The following TENM4 variants were observed in gnomAD, a reference collection of about 807,000 sequenced individuals.
TENM4 encodes the protein teneurin-4.
A neutral mutation model predicts 243.3 loss-of-function variants in TENM4; 82 were observed. The ratio of observed to expected loss-of-function variants is 0.34; its 90% CI spans 0.28 to 0.40. TENM4 has a LOEUF of 0.40. Among genes scored for constraint, TENM4 ranks in the 10% least tolerant of loss-of-function variants. TENM4 has a pLI of 1.00. For missense variants in TENM4, 3,138 were observed against 3,673.3 expected (o/e 0.85, Z 3.77); for synonymous variants, 1,412 against 1,456.3 (o/e 0.97, Z 0.69).
intron 1 of TENM4, among the ~76,000 whole-genome samples, chr11:79,433,393 TC>T (rs570132359): frequency 6.6e-6 from 1 of 152,084 alleles, no homozygotes; most frequent in Non-Finnish European, 1.5e-5. Flanking sequence ...CACTCTCTTC[TC>T]CCAAACCAAT....
chr11:78,747,718 A>G (rs974236015), intron 19 of TENM4, among the ~76,000 whole-genome samples: 2 of 152,190 alleles, frequency 1.3e-5, no homozygotes, highest in African/African-American at 4.8e-5. Context: ...GTTAGACTAC[A>G]TGCAGAGGTG....
At chr11:78,947,611 G>T (rs1460258433) in intron 6 of TENM4, among the ~76,000 whole-genome samples, 2 of 152,258 alleles carry the variant, frequency 1.3e-5, no homozygotes, top group African/African-American at 4.8e-5. Context: ...CCGACAGAGA[G>T]AGTGCGGGGG....
At chr11:79,083,054 C>T (rs1360618496) in intron 4 of TENM4, among the ~76,000 whole-genome samples, 1 of 152,206 alleles carries the variant, frequency 6.6e-6, no homozygotes, top group African/African-American at 2.4e-5. Context: ...CCTAATCAAG[C>T]CTTGTGCTGC....
intron 4 of TENM4, among the ~76,000 whole-genome samples, chr11:79,144,674 A>G (rs551420761): frequency 9.5e-4 from 145 of 152,212 alleles, no homozygotes; most frequent in African/African-American, 3.2e-3. Context: ...AAAATAAGCC[A>G]GGCACAGAAA....
intron 6 of TENM4, among the ~76,000 whole-genome samples, chr11:78,938,288 A>G (rs1178078525): frequency 6.6e-6 from 1 of 152,208 alleles, no homozygotes; most frequent in African/African-American, 2.4e-5. Context: ...AAATAATTTT[A>G]GATTCACCTA....
Position 79,385,375 on chromosome 11 carries a change from A to T in TENM4, c.-321+55134T>A, listed in dbSNP as rs139244797. 3.9e-5 allele frequency among the ~76,000 whole-genome samples: 6 copies of T among 152,336 alleles called. No homozygotes were observed. The East Asian group carries it at 1.2e-3, about 29-fold the overall frequency. ...CAGATGGTCAATAATGTTCATTCAGATCACATATTTTAGATCGGGAGATTT... is the reference window on the plus strand; with the variant it reads ...CAGATGGTCAATAATGTTCATTCAGTTCACATATTTTAGATCGGGAGATTT... On this transcript the variant is annotated intron_variant, in intron 1 of 33. Coordinates refer to ENST00000278550, the MANE Select transcript of TENM4 (RefSeq NM_001098816.3).
intron 5 of TENM4, among the ~76,000 whole-genome samples, chr11:79,067,589 T>C (rs1374852948): frequency 1.3e-5 from 2 of 152,208 alleles, no homozygotes; most frequent in Non-Finnish European, 2.9e-5. Context: ...TCAGCATCAA[T>C]ACAAGTGAGT....
At chr11:79,258,201 C>T (rs1590831103) in intron 2 of TENM4, among the ~76,000 whole-genome samples, 1 of 152,110 alleles carries the variant, frequency 6.6e-6, no homozygotes, top group Non-Finnish European at 1.5e-5. Context: ...GATGATGAGA[C>T]CTTGGACAAG....
chr11:78,688,783 G>A (rs1053421601), intron 28 of TENM4, among the ~76,000 whole-genome samples: 10 of 152,048 alleles, frequency 6.6e-5, no homozygotes, highest in African/African-American at 2.4e-4. Flanking sequence ...CTAGATAAAT[G>A]GTGTCTTGCC....
rs553999090 is a variant in TENM4, at chr11:78,750,159, C to T, written c.2756+6646G>A. ...TTCTACAATCCTGTTCAACTGAAAC[C>T]CACAGTAAGCAATACAGCTTATCCA... On this transcript the variant is annotated intron_variant, in intron 19 of 33. Transcript: ENST00000278550. 2.0e-5 allele frequency among the ~76,000 whole-genome samples: 3 copies of T among 152,300 alleles called. No homozygotes were observed. In the South Asian group the frequency reaches 6.2e-4, roughly 32 times the overall value.
chr11:78,915,924 A>T (rs1013895969), intron 6 of TENM4, among the ~76,000 whole-genome samples: 1 of 152,226 alleles, frequency 6.6e-6, no homozygotes, highest in Non-Finnish European at 1.5e-5. Context: ...TGAAAGGGAC[A>T]GGTTGGCTAA....
intron 6 of TENM4, among the ~76,000 whole-genome samples, chr11:78,912,426 T>A (rs1856209691): frequency 6.6e-6 from 1 of 152,200 alleles, no homozygotes; most frequent in Non-Finnish European, 1.5e-5. Context: ...GGCTAATTTT[T>A]AAATTTTTTT....
At chr11:79,201,617 C>G (rs1221030630) in intron 3 of TENM4, among the ~76,000 whole-genome samples, 10 of 152,040 alleles carry the variant, frequency 6.6e-5, no homozygotes. Flanking sequence ...CATGAATCAA[C>G]CAGAATTCCT....
intron 29 of TENM4, among the ~76,000 whole-genome samples, chr11:78,677,099 C>T (rs757774965): frequency 2.0e-5 from 3 of 152,114 alleles, no homozygotes; most frequent in African/African-American, 7.2e-5. Context: ...AAAAGCCACA[C>T]AATTGTATGT....
At chr11:78,761,307 T>G (rs576048096) in intron 18 of TENM4, among the ~76,000 whole-genome samples, 183 of 152,126 alleles carry the variant, frequency 1.2e-3, no homozygotes, top group Non-Finnish European at 1.8e-3. Context: ...TGGCGTGATC[T>G]CGGCTCACTG....
intron 4 of TENM4, among the ~76,000 whole-genome samples, chr11:79,070,250 G>A (rs545746788): frequency 6.6e-6 from 1 of 152,194 alleles, no homozygotes; most frequent in Non-Finnish European, 1.5e-5. Flanking sequence ...GCCTCCTCCA[G>A]TGATGGGCAC....
rs59432159 is a variant in TENM4 at position 78,708,984 on chromosome 11, T to TTTAA, written c.4055-470_4055-469insTTAA. Among the ~76,000 whole-genome samples the TTTAA allele has an allele frequency of 5.1e-3, 735 of 145,238 alleles. 7 individuals are homozygous for TTTAA. Among genetic ancestry groups the TTTAA allele is most frequent in the African/African-American group, 0.019 (694 of 37,218 alleles). On this transcript the variant is annotated intron_variant, in intron 26 of 33. Coordinates refer to ENST00000278550, the MANE Select transcript of TENM4 (RefSeq NM_001098816.3). ...CTTTTTCTTTCTTTTTTTTTTTTTT[T>TTTAA]AAAAAAAGAGTCTCGTTCTGTCACC...
At chr11:79,155,329 A>G (rs915472731) in intron 3 of TENM4, among the ~76,000 whole-genome samples, 3 of 149,912 alleles carry the variant, frequency 2.0e-5, no homozygotes, top group East Asian at 3.9e-4. Context: ...CTTTTGCTTC[A>G]TGGGCTAAAA....
At chr11:79,103,116 C>T (rs144043858) in intron 4 of TENM4, among the ~76,000 whole-genome samples, 1,803 of 152,148 alleles carry the variant, frequency 0.012, 22 homozygotes, top group Non-Finnish European at 0.02. Context: ...CTGGCGGTGC[C>T]GCTGTCCCTC....
Sources: allele counts gnomAD v4.1 joint callset (sites outside exome capture counted in the v4.1 genomes callset), GRCh38; gene constraint gnomAD v4.1.1; transcripts MANE v1.5; gene names NCBI Gene and HGNC (gene_info 2026-07-23, HGNC 2026-07-21).